Variants in ASCL2 observed in about 807,000 individuals in gnomAD.
The protein encoded by ASCL2 is achaete-scute family bHLH transcription factor 2, also known as achaete-scute homolog 2.
Under a neutral mutation model 5.1 loss-of-function variants are expected in ASCL2, and 6 were observed. The observed-to-expected ratio is 1.17, with a 90% CI of 0.64 to 2.31. The LOEUF (loss-of-function observed/expected upper bound fraction) is 2.31, where lower values mean the gene tolerates loss of function less well. Ranked by LOEUF, ASCL2 falls within the 30% of genes most tolerant of loss-of-function variation. The probability of loss-of-function intolerance (pLI) is 0.00; values close to 1 mark genes in which losing one functional copy is unlikely to be tolerated. For missense variants in ASCL2, 320 were observed against 310.3 expected, an observed-to-expected ratio of 1.03 and a Z score of -0.23; for synonymous variants, 174 against 157.3, an observed-to-expected ratio of 1.11 and a Z score of -0.80.
chr11:2,269,869 C>T lies in ASCL2; in HGVS notation c.464G>A (p.Ser155Asn), dbSNP rs1373329547. 1.5e-6 allele frequency: 2 copies of T among 1,351,986 alleles called. No homozygotes were observed. The highest frequency in any genetic ancestry group is 1.9e-5 in the South Asian group (1 of 53,828). 83.7% of individuals were successfully genotyped at this position (1,351,986 alleles called of 1,614,324 possible). A position where few individuals can be genotyped will look rare whatever the true frequency, so the allele number is the denominator to read the frequency against. The change falls in exon 1 of 2, where the codon AGC (serine) becomes AAC (asparagine). Residue 155 changes from serine (S) to asparagine (N), a missense_variant. Ser to Asn is a conservative substitution (Grantham distance 46, BLOSUM62 1). Transcript: ENST00000331289. ...RASSSPGRGGSSEPGSPRSAY... is the reference protein window; with the variant it reads ...RASSSPGRGGNSEPGSPRSAY... ...GGAACGCGGGGAGCCGGGCTCCGAG[C>T]TGCCCCCGCGGCCCGGGGACGAAGA...
chr11:2,270,102 C>T lies in ASCL2; in HGVS notation c.231G>A (p.Val77=). ...NLGFQALRQH[V]PHGGASKKLS... ...GCTTCTTGCTGGCGCCGCCGTGCGG[C>T]ACGTGCTGCCGCAGCGCCTGGAAGC... The change falls in exon 1 of 2, where the codon GTG becomes GTA. Residue 77 remains valine (V), a synonymous_variant. Coordinates refer to ENST00000331289, the MANE Select transcript of ASCL2 (RefSeq NM_005170.3). 1 of 1,509,850 alleles carries T rather than the reference C, an allele frequency of 6.6e-7. No individual in the cohort carries two copies. Among genetic ancestry groups the T allele is most frequent in the Non-Finnish European group, 8.8e-7 (1 of 1,134,430 alleles). 93.5% of individuals were successfully genotyped at this position (1,509,850 alleles called of 1,614,324 possible).
At position 2,269,752 on chromosome 11, in the gene ASCL2, C is replaced by T. The variant is rs754589237; in HGVS notation, c.581G>A (p.Ter194=). Residue 194 remains the stop codon, a stop_retained_variant, in exon 1 of 2, where the codon TGA becomes TAA. Coordinates refer to ENST00000331289, the MANE Select transcript of ASCL2 (RefSeq NM_005170.3). ...TGTTACCTCATAGGTCGAGGGCGCTCAGTAGCCCCCTAACCAGCTGGAGAA... is the reference window on the plus strand; with the variant it reads ...TGTTACCTCATAGGTCGAGGGCGCTTAGTAGCCCCCTAACCAGCTGGAGAA... The part of the protein sequence containing the change: ...LDFSSWLGGY[*] 1.2e-5 allele frequency: 17 copies of T among 1,415,302 alleles called. No homozygotes were observed. In the African/African-American group the frequency reaches 2.5e-4, roughly 21 times the overall value. 87.7% of individuals were successfully genotyped at this position (1,415,302 alleles called of 1,614,324 possible).
intron 1 of ASCL2, among the ~76,000 whole-genome samples, chr11:2,269,351 G>A (rs534967319): frequency 6.8e-6 from 1 of 147,750 alleles, no homozygotes. Flanking sequence ...CTCCGCGCCC[G>A]CCGACTCATT....
intron 1 of ASCL2, 24 bp downstream of exon 1, chr11:2,269,709 T>TCCTCCCTG (rs1847226298): frequency 8.5e-6 from 4 of 471,968 alleles, no homozygotes; most frequent in Non-Finnish European, 1.2e-5. Context: ...CGGCCCTCCC[T>TCCTCCCTG]CCTCCCTGCC....
chr11:2,269,836 G>T lies in ASCL2; in HGVS notation c.497C>A (p.Ser166Ter). The change falls in exon 1 of 2, where the codon TCG becomes TAG. Residue 166 changes from serine (S) to a stop codon, truncating the protein, a stop_gained. Coordinates refer to ENST00000331289, the MANE Select transcript of ASCL2 (RefSeq NM_005170.3). LOFTEE classifies it low-confidence loss of function (END_TRUNC). ...GCCTTCGCAGCCGCTGTCGTCCGAC[G>T]AGTAGGCGGAACGCGGGGAGCCGGG... ...SEPGSPRSAY[S>*]SDDSGCEGAL... 2 of 1,398,500 alleles carry T rather than the reference G, an allele frequency of 1.4e-6. No individual in the cohort carries two copies. The highest frequency in any genetic ancestry group is 1.9e-6 in the Non-Finnish European group (2 of 1,073,026). The allele number at this position is 1,398,500 out of a possible 1,614,324, so 86.6% of individuals were successfully genotyped here.
chr11:2,269,587 A>C, intron 1 of ASCL2, 146 bp downstream of exon 1: 1 of 695,556 alleles, frequency 1.4e-6, no homozygotes, highest in Non-Finnish European at 2.0e-6. Context: ...CTTTGGGGGA[A>C]ATGAAGAGTG....
At chr11:2,269,658 A>T in intron 1 of ASCL2, 75 bp downstream of exon 1, 1 of 1,235,970 alleles carries the variant, frequency 8.1e-7, no homozygotes, top group Non-Finnish European at 1.0e-6. Context: ...TGGGGGCGCG[A>T]CCCGCCGGGC....
rs1847235753 is a variant in ASCL2 at position 2,270,315 on chromosome 11, C to A, written c.18G>T (p.Leu6=). 4 of 1,302,756 alleles carry A rather than the reference C, an allele frequency of 3.1e-6. No homozygotes were observed. The highest frequency in any genetic ancestry group is 3.9e-6 in the Non-Finnish European group (4 of 1,029,834). 80.7% of individuals were successfully genotyped at this position (1,302,756 alleles called of 1,614,324 possible). A position where few individuals can be genotyped will look rare whatever the true frequency, so the allele number is the denominator to read the frequency against. ...GGGGCGCAGGGGGCGCGGACCTGGG[C>A]AGTGTGCCGCCGTCCATCGCGCCTG... MDGGT[L]PRSAPPAPPV... Residue 6 remains leucine (L), a synonymous_variant, in exon 1 of 2, where the codon CTG becomes CTT. Coordinates refer to ENST00000331289, the MANE Select transcript of ASCL2 (RefSeq NM_005170.3).
At position 2,269,747 on chromosome 11, in the gene ASCL2, G is replaced by C. The variant is rs753659602; in HGVS notation, c.*4C>G. 1.4e-6 allele frequency: 2 copies of C among 1,393,342 alleles called. No individual in the cohort carries two copies. The highest frequency in any genetic ancestry group is 3.2e-5 in the South Asian group (2 of 62,010). 86.3% of individuals were successfully genotyped at this position (1,393,342 alleles called of 1,614,324 possible). ...CCGGCTGTTACCTCATAGGTCGAGG[G>C]CGCTCAGTAGCCCCCTAACCAGCTG... On this transcript the variant is annotated 3_prime_UTR_variant, in exon 1 of 2. Coordinates refer to ENST00000331289, the MANE Select transcript of ASCL2 (RefSeq NM_005170.3).
In ASCL2 at chr11:2,269,839, T is replaced by C. The variant is rs749698576; in HGVS notation, c.494A>G (p.Tyr165Cys). ...TTCGCAGCCGCTGTCGTCCGACGAG[T>C]AGGCGGAACGCGGGGAGCCGGGCTC... ...SSEPGSPRSAYSSDDSGCEGA... is the reference protein window; with the variant it reads ...SSEPGSPRSACSSDDSGCEGA... Residue 165 changes from tyrosine to cysteine, a missense_variant, in exon 1 of 2, where the codon TAC (tyrosine) becomes TGC (cysteine). Transcript: ENST00000331289. The C allele has an allele frequency of 1.2e-4, 161 of 1,394,458 alleles. No individual in the cohort carries two copies. The highest frequency in any genetic ancestry group is 1.5e-4 in the Non-Finnish European group (158 of 1,070,870). The allele number at this position is 1,394,458 out of a possible 1,614,324, so 86.4% of individuals were successfully genotyped here.
rs1847226705 is a variant in ASCL2, at chr11:2,269,746, G to A, written c.*5C>T. 1.4e-6 allele frequency: 2 copies of A among 1,388,624 alleles called. No homozygotes were observed. Among genetic ancestry groups the A allele is most frequent in the Non-Finnish European group, 9.4e-7 (1 of 1,065,024 alleles). 86.0% of individuals were successfully genotyped at this position (1,388,624 alleles called of 1,614,324 possible). A position where few individuals can be genotyped will look rare whatever the true frequency, so the allele number is the denominator to read the frequency against. The stretch of plus-strand genomic sequence containing the variant: ...CCCGGCTGTTACCTCATAGGTCGAG[G>A]GCGCTCAGTAGCCCCCTAACCAGCT... On this transcript the variant is annotated 3_prime_UTR_variant, in exon 1 of 2. Coordinates refer to ENST00000331289, the MANE Select transcript of ASCL2 (RefSeq NM_005170.3).
In ASCL2 at chr11:2,269,929, C is replaced by T. The variant is rs530856175; in HGVS notation, c.404G>A (p.Gly135Glu). Residue 135 changes from glycine to glutamate, a missense_variant, in exon 1 of 2, where the codon GGG (glycine) becomes GAG (glutamate). By Grantham distance (98) the Gly-to-Glu change is moderately conservative. Coordinates refer to ENST00000331289, the MANE Select transcript of ASCL2 (RefSeq NM_005170.3). Reference sequence around the variant, plus strand: ...GGGCGAGGCGGCGACCGGGGTGGTCCCTGGCGGCCCGCGGGGCGCAGACGG... The same window carrying T: ...GGGCGAGGCGGCGACCGGGGTGGTCTCTGGCGGCCCGCGGGGCGCAGACGG... ...VRPSAPRGPP[G>E]TTPVAASPSR... is the part of the protein sequence containing the mutation. 73 of 1,282,412 alleles carry T rather than the reference C, an allele frequency of 5.7e-5. No individual in the cohort carries two copies. In the South Asian group the frequency reaches 1.6e-3, roughly 28 times the overall value. 79.4% of individuals were successfully genotyped at this position (1,282,412 alleles called of 1,614,324 possible). A position where few individuals can be genotyped will look rare whatever the true frequency, so the allele number is the denominator to read the frequency against.
At chr11:2,269,183 A>AGACCCCGCCCGGGCC (rs1377251311) in intron 1 of ASCL2, 57 bp from the exon 2 acceptor site, 3 of 151,982 alleles carry the variant, frequency 2.0e-5, no homozygotes, top group Non-Finnish European at 2.9e-5. Flanking sequence ...GGCCCGGGGC[A>AGACCCCGCCCGGGCC]GACCCCGCCC....
Position 2,270,539 on chromosome 11 carries a change from G to T in ASCL2, c.-207C>A. 3.1e-6 allele frequency: 3 copies of T among 974,004 alleles called. No homozygotes were observed. Among genetic ancestry groups the T allele is most frequent in the Non-Finnish European group, 4.0e-6 (3 of 742,548 alleles). The allele number at this position is 974,004 out of a possible 1,614,324, so 60.3% of individuals were successfully genotyped here. On this transcript the variant is annotated 5_prime_UTR_variant, in exon 1 of 2. Coordinates refer to ENST00000331289, the MANE Select transcript of ASCL2 (RefSeq NM_005170.3). ...GGTGGCAGGCCGTACGCGCCAGGGA[G>T]CGTGGGACGCTCGTGTCCCGCGCGT...
In ASCL2 at chr11:2,269,956, C is replaced by A; in HGVS notation, c.377G>T (p.Arg126Leu). 1 of 1,288,776 alleles carries A rather than the reference C, an allele frequency of 7.8e-7. No homozygotes were observed. The highest frequency in any genetic ancestry group is 2.5e-5 in the South Asian group (1 of 39,484). 79.8% of individuals were successfully genotyped at this position (1,288,776 alleles called of 1,614,324 possible). A position where few individuals can be genotyped will look rare whatever the true frequency, so the allele number is the denominator to read the frequency against. The change falls in exon 1 of 2, where the codon CGG (arginine) becomes CTG (leucine). Residue 126 changes from arginine (R) to leucine (L), a missense_variant. Transcript: ENST00000331289. The stretch of plus-strand genomic sequence containing the variant: ...TGGCGGCCCGCGGGGCGCAGACGGC[C>A]GCACGGCCTGCGGCCTCAGCCCTCC... ...LAGGLRPQAV[R>L]PSAPRGPPGT... is the part of the protein sequence containing the mutation.
At chr11:2,269,509 G>A (rs1039683043) in intron 1 of ASCL2, among the ~76,000 whole-genome samples, 10 of 152,176 alleles carry the variant, frequency 6.6e-5, no homozygotes, top group Non-Finnish European at 2.9e-5. Context: ...CTCGTCGGCG[G>A]CTGAGCCGCG....
chr11:2,269,373 G>A (rs1452013678), intron 1 of ASCL2, among the ~76,000 whole-genome samples: 1 of 148,136 alleles, frequency 6.8e-6, no homozygotes, highest in Non-Finnish European at 1.5e-5. Flanking sequence ...CTGCCGCCCC[G>A]GCCCGGGAGC....
chr11:2,269,773 G>A lies in ASCL2; in HGVS notation c.560C>T (p.Ser187Phe), dbSNP rs1236591183. The change falls in exon 1 of 2, where the codon TCC becomes TTC. Residue 187 changes from serine to phenylalanine, a missense_variant. Transcript: ENST00000331289. ...CGCTCAGTAGCCCCCTAACCAGCTG[G>A]AGAAGTCGAGTAGCTCGCGCTCCGC... ...SPAERELLDF[S>F]SWLGGY 6.9e-7 allele frequency: 1 copy of A among 1,447,628 alleles called. No homozygotes were observed. The highest frequency in any genetic ancestry group is 9.1e-7 in the Non-Finnish European group (1 of 1,094,718). 89.7% of individuals were successfully genotyped at this position (1,447,628 alleles called of 1,614,324 possible).
chr11:2,269,723 C>A lies in ASCL2; in HGVS notation c.*18+10G>T. The A allele has an allele frequency of 7.6e-7, 1 of 1,307,988 alleles. No individual in the cohort carries two copies. The highest frequency in any genetic ancestry group is 9.8e-7 in the Non-Finnish European group (1 of 1,020,794). 81.0% of individuals were successfully genotyped at this position (1,307,988 alleles called of 1,614,324 possible). On this transcript the variant is annotated intron_variant, in intron 1 of 1. Transcript: ENST00000331289. ...CCGGCCCTCCCTCCTCCCTGCCTCC[C>A]GGCTGTTACCTCATAGGTCGAGGGC...
Sources: allele counts gnomAD v4.1 joint callset (sites outside exome capture counted in the v4.1 genomes callset), GRCh38; gene constraint gnomAD v4.1.1; transcripts MANE v1.5; gene names NCBI Gene and HGNC (gene_info 2026-07-23, HGNC 2026-07-21).